Variants in KCTD16 observed in about 807,000 individuals in gnomAD.
KCTD16 encodes potassium channel tetramerization domain containing 16.
Under a neutral mutation model 33.2 loss-of-function variants are expected in KCTD16, and 13 were observed. The observed-to-expected ratio is 0.39, with a 90% confidence interval of 0.25 to 0.62. The LOEUF (loss-of-function observed/expected upper bound fraction) is 0.62. Among genes scored for constraint, KCTD16 ranks in the 20% least tolerant of loss-of-function variants. KCTD16 has a pLI of 0.50. For missense variants in KCTD16, 441 were observed against 525.1 expected, an observed-to-expected ratio of 0.84 and a Z score of 1.57; for synonymous variants, 197 against 195.3, an observed-to-expected ratio of 1.01 and a Z score of -0.07.
chr5:144,408,566 G>A (rs1752863634), intron 3 of KCTD16, among the ~76,000 whole-genome samples: 3 of 152,118 alleles, frequency 2.0e-5, no homozygotes. Flanking sequence ...CCTGATCTGT[G>A]TAAGTCTACC....
chr5:144,286,213 T>A (rs916482617), intron 3 of KCTD16, among the ~76,000 whole-genome samples: 6 of 152,172 alleles, frequency 3.9e-5, no homozygotes, highest in Non-Finnish European at 8.8e-5. Flanking sequence ...TACAAGTGTG[T>A]GAGTGAAGAT....
intron 3 of KCTD16, among the ~76,000 whole-genome samples, chr5:144,263,779 C>T (rs1180517393): frequency 6.6e-6 from 1 of 152,210 alleles, no homozygotes; most frequent in Non-Finnish European, 1.5e-5. Context: ...GCTTAAAAAA[C>T]AGACATTTAT....
At chr5:144,246,203 G>A (rs1754545321) in intron 3 of KCTD16, among the ~76,000 whole-genome samples, 1 of 152,172 alleles carries the variant, frequency 6.6e-6, no homozygotes, top group South Asian at 2.1e-4. Context: ...TGTTTATAGG[G>A]AAGAGTAATT....
chr5:144,421,822 G>C (rs1431839011), intron 3 of KCTD16, among the ~76,000 whole-genome samples: 1 of 152,112 alleles, frequency 6.6e-6, no homozygotes, highest in East Asian at 1.9e-4. Context: ...AATCCAGGGA[G>C]AAAGTAAATA....
intron 3 of KCTD16, among the ~76,000 whole-genome samples, chr5:144,430,668 T>C (rs1011030124): frequency 6.6e-6 from 1 of 152,138 alleles, no homozygotes; most frequent in African/African-American, 2.4e-5. Context: ...ACAGGTAACA[T>C]GTTAAGCCAT....
At chr5:144,413,971 A>G (rs1462403347) in intron 3 of KCTD16, among the ~76,000 whole-genome samples, 3 of 152,148 alleles carry the variant, frequency 2.0e-5, no homozygotes, top group Non-Finnish European at 4.4e-5. Flanking sequence ...GAGCTAAAGG[A>G]ACTGGATTGG....
At chr5:144,377,813 A>C (rs1206412147) in intron 3 of KCTD16, 3 of 152,178 alleles carry the variant, frequency 2.0e-5, no homozygotes, top group Non-Finnish European at 1.5e-5. Context: ...CAAACTCTCC[A>C]TCCCTCCACA....
chr5:144,340,319 G>A (rs1052320776), intron 3 of KCTD16, among the ~76,000 whole-genome samples: 2 of 150,422 alleles, frequency 1.3e-5, no homozygotes, highest in African/African-American at 4.9e-5. Flanking sequence ...GGAGAATGGC[G>A]TGAACCCGGG....
rs1751565550 is a variant in KCTD16 at position 144,305,095 on chromosome 5, G to A, written c.832+97549G>A. Among the ~76,000 whole-genome samples the A allele has an allele frequency of 5.5e-5, 8 of 146,100 alleles. No individual in the cohort carries two copies. In the Admixed American group the frequency reaches 5.7e-4, roughly 10 times the overall value. Reference sequence around the variant, plus strand: ...TGACATGTGGGACACTCCACATTTAGAGCTTCTTAGAGCAAGAGAGAAAAC... The same window carrying A: ...TGACATGTGGGACACTCCACATTTAAAGCTTCTTAGAGCAAGAGAGAAAAC... On this transcript the variant is annotated intron_variant, in intron 3 of 3. Coordinates refer to ENST00000512467, the MANE Select transcript of KCTD16 (RefSeq NM_020768.4).
chr5:144,280,642 C>T (rs866087480), intron 3 of KCTD16, among the ~76,000 whole-genome samples: 3 of 152,148 alleles, frequency 2.0e-5, no homozygotes, highest in Middle Eastern at 3.4e-3. Flanking sequence ...ACATGTTTTC[C>T]GGCTGGGCGC....
chr5:144,176,929 A>T (rs1186166373), intron 2 of KCTD16, among the ~76,000 whole-genome samples: 1 of 152,116 alleles, frequency 6.6e-6, no homozygotes, highest in Non-Finnish European at 1.5e-5. Context: ...CTGGTTACTA[A>T]ATCTTTGTAA....
chr5:144,407,553 A>C (rs1397076336), intron 3 of KCTD16, among the ~76,000 whole-genome samples: 2 of 151,882 alleles, frequency 1.3e-5, no homozygotes, highest in East Asian at 1.9e-4. Flanking sequence ...TTTACTTTTA[A>C]GTTCTGGGAT....
chr5:144,184,487 C>T (rs1011140661), intron 2 of KCTD16, among the ~76,000 whole-genome samples: 2 of 152,120 alleles, frequency 1.3e-5, no homozygotes, highest in South Asian at 4.1e-4. Flanking sequence ...GTACAAATAT[C>T]CACTTGAGAC....
rs555139979 is a variant in KCTD16, at chr5:144,395,926, T to G, written c.833-77734T>G. ...GTCTGCTTCCTGTTTTTGTAAGTAG[T>G]TTCATTGGAACACAGTCATATCTGT... On this transcript the variant is annotated intron_variant, in intron 3 of 3. Transcript: ENST00000512467. Among the ~76,000 whole-genome samples, 83 of 152,338 alleles carry G rather than the reference T, an allele frequency of 5.4e-4. 1 individual carries two copies. Among genetic ancestry groups the G allele is most frequent in the African/African-American group, 2.0e-3 (82 of 41,574 alleles).
rs532830398 is a variant in KCTD16, at chr5:144,475,863, G to A, written c.*1749G>A. On this transcript the variant is annotated 3_prime_UTR_variant, in exon 4 of 4. Coordinates refer to ENST00000512467, the MANE Select transcript of KCTD16 (RefSeq NM_020768.4). ...ATCTTTCTGAATTTTTGTAATTCTC[G>A]CCTTCACACTAGGATGACAGACTCA... The A allele has an allele frequency of 1.3e-5, 2 of 152,330 alleles. No individual in the cohort carries two copies. The highest frequency in any genetic ancestry group is 6.5e-5 in the Admixed American group (1 of 15,296). 9.4% of individuals were successfully genotyped at this position (152,330 alleles called of 1,614,324 possible).
intron 3 of KCTD16, among the ~76,000 whole-genome samples, chr5:144,364,608 G>A (rs980212797): frequency 6.6e-6 from 1 of 152,200 alleles, no homozygotes; most frequent in Non-Finnish European, 1.5e-5. Context: ...GAGTTATACT[G>A]ACTGTTTAAT....
intron 3 of KCTD16, among the ~76,000 whole-genome samples, chr5:144,305,123 A>T (rs1440940902): frequency 6.6e-6 from 1 of 151,742 alleles, no homozygotes; most frequent in Non-Finnish European, 1.5e-5. Flanking sequence ...GAGAAAACTG[A>T]TTAAGGTTAA....
Position 144,257,688 on chromosome 5 carries a change from T to C in KCTD16, c.832+50142T>C, listed in dbSNP as rs931915555. ...ATTTTTAGTAGAGACGGGGTTTCACTGTGTAAGCCAGGATGGTCTCGATCT... is the reference window on the plus strand; with the variant it reads ...ATTTTTAGTAGAGACGGGGTTTCACCGTGTAAGCCAGGATGGTCTCGATCT... On this transcript the variant is annotated intron_variant, in intron 3 of 3. Transcript: ENST00000512467. Among the ~76,000 whole-genome samples, 9 of 152,032 alleles carry C rather than the reference T, an allele frequency of 5.9e-5. No homozygotes were observed. The South Asian group carries it at 1.7e-3, about 28-fold the overall frequency.
intron 2 of KCTD16, among the ~76,000 whole-genome samples, chr5:144,176,267 G>A (rs962495519): frequency 1.3e-5 from 2 of 151,722 alleles, no homozygotes; most frequent in Non-Finnish European, 2.9e-5. Flanking sequence ...GAATTTATCA[G>A]GAGACAGAGC....
Sources: gnomAD v4.1 joint callset for allele counts (sites outside exome capture counted in the v4.1 genomes callset) on GRCh38, gnomAD v4.1.1 for gene constraint, MANE v1.5 for transcripts, NCBI Gene and HGNC (gene_info 2026-07-23, HGNC 2026-07-21) for gene names.